The following ST6GALNAC5 variants were observed in gnomAD, a reference collection of about 807,000 sequenced individuals.
The protein encoded by ST6GALNAC5 is alpha-N-acetylgalactosaminide alpha-2,6-sialyltransferase 5.
ST6GALNAC5 carries 27 observed loss-of-function variants against 33.6 expected under a neutral mutation model. That is an observed-to-expected ratio of 0.80 (90% CI 0.59 to 1.11). The LOEUF (loss-of-function observed/expected upper bound fraction) is 1.11, where lower values mean the gene tolerates loss of function less well. ST6GALNAC5 is among the 50% of genes least tolerant of loss of function. The pLI, the probability that ST6GALNAC5 is intolerant of heterozygous loss-of-function variation, is 0.00. For synonymous variants in ST6GALNAC5, 194 were observed against 171.2 expected, an observed-to-expected ratio of 1.13 and a Z score of -1.04; for missense variants, 428 against 454.0, an observed-to-expected ratio of 0.94 and a Z score of 0.52.
chr1:77,034,641 G>A (rs971156624), intron 2 of ST6GALNAC5, among the ~76,000 whole-genome samples: 1 of 152,166 alleles, frequency 6.6e-6, no homozygotes, highest in South Asian at 2.1e-4. Context: ...CATCTTTCCT[G>A]TAATTGGGGG....
Position 76,868,950 on chromosome 1 carries a change from G to T in ST6GALNAC5, c.261+208G>T. ...GACACAAAGTTTTGTAGAAAATAGG[G>T]GTGAGGTGCGTGGACCCCAAAGCCT... On this transcript the variant is annotated intron_variant, in intron 2 of 4. Transcript: ENST00000477717. This position sits in a 1 kb window ranked among gnomAD's most constrained non-coding sequence, Gnocchi z 4.3. 1 of 817,814 alleles carries T rather than the reference G, an allele frequency of 1.2e-6. No individual in the cohort carries two copies. The highest frequency in any genetic ancestry group is 2.4e-5 in the South Asian group (1 of 42,214). 50.7% of individuals were successfully genotyped at this position (817,814 alleles called of 1,614,324 possible).
At chr1:76,970,064 A>T (rs1450768431) in intron 2 of ST6GALNAC5, among the ~76,000 whole-genome samples, 1 of 152,080 alleles carries the variant, frequency 6.6e-6, no homozygotes, top group Non-Finnish European at 1.5e-5. Context: ...AACATCAAAG[A>T]CCAAAGGTAG....
At chr1:76,958,821 C>T (rs963526487) in intron 2 of ST6GALNAC5, among the ~76,000 whole-genome samples, 11 of 152,118 alleles carry the variant, frequency 7.2e-5, no homozygotes, top group African/African-American at 2.7e-4. Context: ...CCAAGGGCAC[C>T]TCCTCTCCCA....
chr1:76,988,701 A>G (rs983019300), intron 2 of ST6GALNAC5, among the ~76,000 whole-genome samples: 1 of 151,972 alleles, frequency 6.6e-6, no homozygotes, highest in African/African-American at 2.4e-5. Flanking sequence ...TCATCATTTC[A>G]ATTTCTTTCC....
At position 77,055,446 on chromosome 1, in the gene ST6GALNAC5, T is replaced by C. The variant is rs530776572; in HGVS notation, c.779+5081T>C. Reference sequence around the variant, plus strand: ...CTTCATGCTGGCTCTGTGCTTAACATGAACACATGCATTATTTTCTTGAAC... The same window carrying C: ...CTTCATGCTGGCTCTGTGCTTAACACGAACACATGCATTATTTTCTTGAAC... On this transcript the variant is annotated intron_variant, in intron 4 of 4. Transcript: ENST00000477717. Among the ~76,000 whole-genome samples, 7 of 152,326 alleles carry C rather than the reference T, an allele frequency of 4.6e-5. No homozygotes were observed. The South Asian group carries it at 1.4e-3, about 32-fold the overall frequency.
In ST6GALNAC5 at chr1:76,998,149, A is replaced by G. The variant is rs544965317; in HGVS notation, c.262-46055A>G. ...CTTTATAAATTACCCAGTCTTGGGT[A>G]TTTCTTCATAGCAGCATGAAAACAG... On this transcript the variant is annotated intron_variant, in intron 2 of 4. Transcript: ENST00000477717. Among the ~76,000 whole-genome samples the G allele has an allele frequency of 3.9e-5, 6 of 152,274 alleles. No homozygotes were observed. The South Asian group carries it at 1.2e-3, about 32-fold the overall frequency.
rs763901390 is a variant in ST6GALNAC5, at chr1:77,065,605, C to T, written c.*2399C>T. On this transcript the variant is annotated 3_prime_UTR_variant, in exon 5 of 5. Transcript: ENST00000477717. ...ATGACTAGAATTCTGATAGATTGTGCTGATGAACCTGGTTGTGGGCAATTG... is the reference window on the plus strand; with the variant it reads ...ATGACTAGAATTCTGATAGATTGTGTTGATGAACCTGGTTGTGGGCAATTG... 6.6e-6 allele frequency: 1 copy of T among 152,200 alleles called. No homozygotes were observed. The highest frequency in any genetic ancestry group is 1.5e-5 in the Non-Finnish European group (1 of 68,044). 9.4% of individuals were successfully genotyped at this position (152,200 alleles called of 1,614,324 possible).
chr1:77,051,828 G>A (rs6658107), intron 4 of ST6GALNAC5, among the ~76,000 whole-genome samples: 159 of 152,262 alleles, frequency 1.0e-3, no homozygotes, highest in African/African-American at 3.6e-3. Flanking sequence ...AGCCATCAAC[G>A]TTGATGGGTA....
intron 2 of ST6GALNAC5, among the ~76,000 whole-genome samples, chr1:76,914,479 G>C (rs1013149475): frequency 6.6e-6 from 1 of 152,106 alleles, no homozygotes; most frequent in Admixed American, 6.5e-5. Context: ...CATGGTACTG[G>C]TACCAAAACA....
At chr1:76,952,108 T>A (rs1647772711) in intron 2 of ST6GALNAC5, among the ~76,000 whole-genome samples, 1 of 152,150 alleles carries the variant, frequency 6.6e-6, no homozygotes, top group Admixed American at 6.6e-5. Context: ...ATATTTACAT[T>A]TTCTCCATCC....
Position 76,871,691 on chromosome 1 carries a change from A to C in ST6GALNAC5, c.261+2949A>C, listed in dbSNP as rs561751026. ...GATGAGCGGCATGTGTTGAGGCTTA[A>C]AATATCACTTTTCATGGTCATATTC... On this transcript the variant is annotated intron_variant, in intron 2 of 4. Transcript: ENST00000477717. Among the ~76,000 whole-genome samples the C allele has an allele frequency of 2.0e-4, 30 of 152,288 alleles. 1 individual carries two copies. Among genetic ancestry groups the C allele is most frequent in the African/African-American group, 7.2e-4 (30 of 41,570 alleles).
Position 76,868,885 on chromosome 1 carries a change from G to C in ST6GALNAC5, c.261+143G>C. ...GGGAGTGGACCCGCTGGGGTAGGGTGGGCTAGTTCCAACTTGGTATGAATT... is the reference window on the plus strand; with the variant it reads ...GGGAGTGGACCCGCTGGGGTAGGGTCGGCTAGTTCCAACTTGGTATGAATT... On this transcript the variant is annotated intron_variant, in intron 2 of 4. Coordinates refer to ENST00000477717, the MANE Select transcript of ST6GALNAC5 (RefSeq NM_030965.3). The surrounding 1 kb of genome is among the most constrained non-coding windows in gnomAD (Gnocchi z 4.3). The C allele has an allele frequency of 7.7e-7, 1 of 1,303,476 alleles. No individual in the cohort carries two copies. Among genetic ancestry groups the C allele is most frequent in the African/African-American group, 1.5e-5 (1 of 64,770 alleles). 80.7% of individuals were successfully genotyped at this position (1,303,476 alleles called of 1,614,324 possible).
At chr1:76,878,994 T>C (rs977037170) in intron 2 of ST6GALNAC5, among the ~76,000 whole-genome samples, 8 of 152,164 alleles carry the variant, frequency 5.3e-5, no homozygotes, top group African/African-American at 1.9e-4. Flanking sequence ...ATTCCCACTG[T>C]ATTTACATTT....
intron 2 of ST6GALNAC5, among the ~76,000 whole-genome samples, chr1:76,994,691 C>T (rs1404065478): frequency 6.6e-6 from 1 of 152,160 alleles, no homozygotes; most frequent in Non-Finnish European, 1.5e-5. Context: ...AGGAATATCT[C>T]CATACTGCCC....
At chr1:76,917,862 A>G (rs1424897923) in intron 2 of ST6GALNAC5, among the ~76,000 whole-genome samples, 1 of 152,046 alleles carries the variant, frequency 6.6e-6, no homozygotes, top group South Asian at 2.1e-4. Flanking sequence ...GAAAAGACCC[A>G]TGTCCCAGCT....
At chr1:76,886,418 A>T (rs1653896319) in intron 2 of ST6GALNAC5, among the ~76,000 whole-genome samples, 1 of 152,240 alleles carries the variant, frequency 6.6e-6, no homozygotes, top group African/African-American at 2.4e-5. Context: ...CTATTCTTCC[A>T]GTCTATGGGT....
intron 2 of ST6GALNAC5, among the ~76,000 whole-genome samples, chr1:76,959,306 A>G (rs538547930): frequency 1.3e-5 from 2 of 152,342 alleles, no homozygotes; most frequent in Admixed American, 6.5e-5. Context: ...ATACAATTAT[A>G]TATTTCACAT....
chr1:76,895,669 T>C (rs961958035), intron 2 of ST6GALNAC5, among the ~76,000 whole-genome samples: 18 of 152,174 alleles, frequency 1.2e-4, no homozygotes, highest in African/African-American at 4.1e-4. Context: ...CACCAGGAGA[T>C]ATCAGCTGTG....
intron 2 of ST6GALNAC5, among the ~76,000 whole-genome samples, chr1:77,022,452 C>T (rs1337899425): frequency 6.6e-6 from 1 of 152,166 alleles, no homozygotes; most frequent in African/African-American, 2.4e-5. Context: ...ATATTAGATT[C>T]AGTGTGTCCT....
Sources: allele counts gnomAD v4.1 joint callset (sites outside exome capture counted in the v4.1 genomes callset), GRCh38; gene constraint gnomAD v4.1.1; non-coding constraint Gnocchi (gnomAD v3.1); transcripts MANE v1.5; gene names NCBI Gene and HGNC (gene_info 2026-07-23, HGNC 2026-07-21).